NEO1: variants seen among roughly 807,000 people sequenced by gnomAD.
NEO1 encodes the protein neogenin 1.
Under a neutral mutation model 159.7 loss-of-function variants are expected in NEO1, and 63 were observed. The ratio of observed to expected loss-of-function variants is 0.39; its 90% confidence interval spans 0.32 to 0.49. The LOEUF (loss-of-function observed/expected upper bound fraction) is 0.49. Ranked by LOEUF, NEO1 falls within the 20% of genes least tolerant of loss-of-function variation. The probability of loss-of-function intolerance (pLI) is 0.85; values close to 1 mark genes in which losing one functional copy is unlikely to be tolerated. For synonymous variants in NEO1, 633 were observed against 662.0 expected (o/e 0.96, Z 0.67); for missense variants, 1,615 against 1,831.0 (o/e 0.88, Z 2.15).
chr15:73,068,460 C>T (rs1354791006), intron 1 of NEO1, among the ~76,000 whole-genome samples: 18 of 152,010 alleles, frequency 1.2e-4, no homozygotes, highest in African/African-American at 4.4e-4. Context: ...CATCCACGTG[C>T]CTTGGCCTCG....
intron 6 of NEO1, among the ~76,000 whole-genome samples, chr15:73,178,005 T>C (rs927506174): frequency 6.6e-6 from 1 of 152,180 alleles, no homozygotes; most frequent in Non-Finnish European, 1.5e-5. Flanking sequence ...CTGTGGTCAG[T>C]TGGTATTGCG....
intron 5 of NEO1, among the ~76,000 whole-genome samples, chr15:73,149,052 C>T (rs557010518): frequency 8.5e-4 from 130 of 152,116 alleles, no homozygotes; most frequent in South Asian, 2.3e-3. Context: ...GGCCGTAGCT[C>T]ATGCCTGTAA....
chr15:73,176,437 A>G lies in NEO1; in HGVS notation c.1050A>G (p.Ile350Met). The G allele has an allele frequency of 6.2e-7, 1 of 1,604,236 alleles. No homozygotes were observed. Among genetic ancestry groups the G allele is most frequent in the Non-Finnish European group, 8.5e-7 (1 of 1,174,968 alleles). The change falls in exon 6 of 29, where the codon ATA (isoleucine) becomes ATG (methionine). Residue 350 changes from isoleucine to methionine, a missense_variant. Physicochemically the swap from Ile to Met is conservative, Grantham distance 10. This residue lies in a region of NEO1 where 1,018 missense variants were observed against 1,115.4 expected (regional missense o/e 0.91). Coordinates refer to ENST00000261908, the MANE Select transcript of NEO1 (RefSeq NM_002499.4). ...QPEFLKQPTNIYAHESMDIVF... is the reference protein window; with the variant it reads ...QPEFLKQPTNMYAHESMDIVF... ...AATTCCTGAAGCAGCCTACTAATAT[A>G]TATGCTCACGAATCTATGGATATTG...
intron 13 of NEO1, among the ~76,000 whole-genome samples, chr15:73,257,683 C>A (rs1301957178): frequency 6.6e-6 from 1 of 152,156 alleles, no homozygotes; most frequent in African/African-American, 2.4e-5. Flanking sequence ...AGTCTATAAA[C>A]TCTATAGGGT....
chr15:73,181,026 T>C (rs902579148), intron 7 of NEO1, among the ~76,000 whole-genome samples: 1 of 152,194 alleles, frequency 6.6e-6, no homozygotes, highest in Non-Finnish European at 1.5e-5. Flanking sequence ...TCCAGATGCA[T>C]AAATAAAGCA....
At chr15:73,216,865 C>T (rs1567509436) in intron 7 of NEO1, among the ~76,000 whole-genome samples, 1 of 152,074 alleles carries the variant, frequency 6.6e-6, no homozygotes, top group African/African-American at 2.4e-5. Context: ...AAAATTTTCT[C>T]CCATTCTGTA....
In NEO1 at chr15:73,178,292, G is replaced by A. The variant is rs2035398019; in HGVS notation, c.1171-15G>A. 6.2e-7 allele frequency: 1 copy of A among 1,604,800 alleles called. No homozygotes were observed. Among genetic ancestry groups the A allele is most frequent in the Non-Finnish European group, 8.5e-7 (1 of 1,174,284 alleles). ...AATTAAATTATGTAATTTTATTTAT[G>A]CTTTTCTTCTTCAGAAGGAACATAA... On this transcript the variant is annotated splice_polypyrimidine_tract_variant and intron_variant, in intron 6 of 28. Coordinates refer to ENST00000261908, the MANE Select transcript of NEO1 (RefSeq NM_002499.4).
rs575943778 is a variant in NEO1 at position 73,227,246 on chromosome 15, A to G, written c.1292-9101A>G. ...CGCAGTGGCTCATACCTGTAATCCC[A>G]GCACTTTGGGAGGCCAAGACAGGCA... On this transcript the variant is annotated intron_variant, in intron 7 of 28. Coordinates refer to ENST00000261908, the MANE Select transcript of NEO1 (RefSeq NM_002499.4). Among the ~76,000 whole-genome samples the G allele has an allele frequency of 1.8e-3, 270 of 152,316 alleles. 1 individual carries two copies. The highest frequency in any genetic ancestry group is 6.2e-3 in the African/African-American group (259 of 41,564).
At chr15:73,158,724 T>C (rs981564802) in intron 5 of NEO1, among the ~76,000 whole-genome samples, 1 of 152,202 alleles carries the variant, frequency 6.6e-6, no homozygotes, top group Admixed American at 6.5e-5. Flanking sequence ...TTTTAATAGA[T>C]AACATATGAA....
In NEO1 at chr15:73,270,078, A is replaced by T; in HGVS notation, c.2563A>T (p.Met855Leu). Residue 855 changes from methionine (M) to leucine (L), a missense_variant, in exon 17 of 29, where the codon ATG (methionine) becomes TTG (leucine). Physicochemically the swap from Met to Leu is conservative, Grantham distance 15 (BLOSUM62 2). This residue lies in a region of NEO1 where 1,018 missense variants were observed against 1,115.4 expected (regional missense o/e 0.91). Coordinates refer to ENST00000261908, the MANE Select transcript of NEO1 (RefSeq NM_002499.4). ...TCCAGTGCCAGATCCCACTCCCATG[A>T]TGCCACCAGTGGGAGTTCAGGCTTC... is the stretch of plus-strand genomic sequence containing the variant. Reference protein sequence around the residue: ...YTPVPDPTPMMPPVGVQASIL... With the variant: ...YTPVPDPTPMLPPVGVQASIL... 1 of 1,614,188 alleles carries T rather than the reference A, an allele frequency of 6.2e-7. No homozygotes were observed. Among genetic ancestry groups the T allele is most frequent in the Non-Finnish European group, 8.5e-7 (1 of 1,180,008 alleles).
intron 1 of NEO1, among the ~76,000 whole-genome samples, chr15:73,053,497 C>T (rs2067562425): frequency 6.6e-6 from 1 of 152,206 alleles, no homozygotes; most frequent in African/African-American, 2.4e-5. Flanking sequence ...TATTTACAGC[C>T]TATTAACCAC....
intron 13 of NEO1, among the ~76,000 whole-genome samples, 165 bp from the exon 14 acceptor site, chr15:73,258,601 C>CG (rs1346145608): frequency 6.6e-6 from 1 of 152,156 alleles, no homozygotes; most frequent in Admixed American, 6.5e-5. Context: ...GGAAGCTACT[C>CG]TATGTTGTAT....
chr15:73,240,634 C>G (rs1052764883), intron 8 of NEO1, among the ~76,000 whole-genome samples: 6 of 151,984 alleles, frequency 3.9e-5, no homozygotes, highest in African/African-American at 1.5e-4. Context: ...GGAACACTAC[C>G]CAAGATTAAA....
rs1390051136 is a variant in NEO1 at position 73,176,528 on chromosome 15, G to A, written c.1141G>A (p.Val381Ile). ...GAAGTGGGTCAAAAATGGGGATATGGTTATCCCAAGTGATTATTTTAAGAT... is the reference window on the plus strand; with the variant it reads ...GAAGTGGGTCAAAAATGGGGATATGATTATCCCAAGTGATTATTTTAAGAT... ...TVKWVKNGDM[V>I]IPSDYFKIVK... is the part of the protein sequence containing the mutation. Residue 381 changes from valine (V) to isoleucine (I), a missense_variant, in exon 6 of 29, where the codon GTT (valine) becomes ATT (isoleucine). By Grantham distance (29) the Val-to-Ile change is conservative (BLOSUM62 3). Coordinates refer to ENST00000261908, the MANE Select transcript of NEO1 (RefSeq NM_002499.4). 2 of 1,610,210 alleles carry A rather than the reference G, an allele frequency of 1.2e-6. No individual in the cohort carries two copies. The highest frequency in any genetic ancestry group is 1.7e-6 in the Non-Finnish European group (2 of 1,178,282).
rs145078893 is a variant in NEO1 at position 73,240,162 on chromosome 15, T to A, written c.1451+3656T>A. Among the ~76,000 whole-genome samples, 188 of 152,336 alleles carry A rather than the reference T, an allele frequency of 1.2e-3. 1 individual carries two copies. The highest frequency in any genetic ancestry group is 4.4e-3 in the African/African-American group (182 of 41,560). On this transcript the variant is annotated intron_variant, in intron 8 of 28. Coordinates refer to ENST00000261908, the MANE Select transcript of NEO1 (RefSeq NM_002499.4). ...TGCGTCAATATGTGCCACAGTCAGC[T>A]CTCAGGGCAGGACAGGTTTTGACAA... is the stretch of plus-strand genomic sequence containing the variant.
At chr15:73,271,892 G>T (rs2041187005) in intron 18 of NEO1, among the ~76,000 whole-genome samples, 1 of 125,074 alleles carries the variant, frequency 8.0e-6, no homozygotes, top group Admixed American at 9.5e-5. Context: ...GGGTGACAGA[G>T]CTAGACTCCA....
chr15:73,136,343 G>C (rs756650271), intron 5 of NEO1, among the ~76,000 whole-genome samples: 1 of 152,120 alleles, frequency 6.6e-6, no homozygotes, highest in Non-Finnish European at 1.5e-5. Context: ...CTAGGATATT[G>C]TGAAAGCTCA....
At chr15:73,186,356 C>A (rs2035928255) in intron 7 of NEO1, among the ~76,000 whole-genome samples, 1 of 151,436 alleles carries the variant, frequency 6.6e-6, no homozygotes, top group African/African-American at 2.4e-5. Context: ...AAAAAGGCAA[C>A]CAAAACTATA....
At chr15:73,167,883 C>T (rs888994628) in intron 5 of NEO1, among the ~76,000 whole-genome samples, 5 of 152,118 alleles carry the variant, frequency 3.3e-5, no homozygotes, top group Admixed American at 2.0e-4. Context: ...TAAACATGAG[C>T]ACAAATGTTG....
Sources: gnomAD v4.1 joint callset for allele counts (sites outside exome capture counted in the v4.1 genomes callset) on GRCh38, gnomAD v4.1.1 for gene constraint, gnomAD v4.1.1 regional missense constraint, MANE v1.5 for transcripts, NCBI Gene and HGNC (gene_info 2026-07-23, HGNC 2026-07-21) for gene names.